Variants in PTPRG observed in about 807,000 individuals in gnomAD.
PTPRG encodes the protein receptor-type tyrosine-protein phosphatase gamma.
Under a neutral mutation model 165.3 loss-of-function variants are expected in PTPRG, and 102 were observed. The observed-to-expected ratio is 0.62, with a 90% CI of 0.53 to 0.73. The LOEUF is 0.73. Ranked by LOEUF, PTPRG falls within the 30% of genes least tolerant of loss-of-function variation. The pLI is 0.00. For missense variants in PTPRG, 1,866 were observed against 1,861.4 expected (o/e 1.00, Z -0.05); for synonymous variants, 675 against 669.5 (o/e 1.01, Z -0.13).
chr3:62,203,830 A>G lies in PTPRG; in HGVS notation c.2035A>G (p.Thr679Ala). ...GGTCACCTCCACCCAAGTGCCCCCCACCGCCACAGAGGAGCAGTATGCAGG... is the reference window on the plus strand; with the variant it reads ...GGTCACCTCCACCCAAGTGCCCCCCGCCGCCACAGAGGAGCAGTATGCAGG... Reference protein sequence around the residue: ...DMVTSTQVPPTATEEQYAGSD... With the variant: ...DMVTSTQVPPAATEEQYAGSD... Residue 679 changes from threonine to alanine, a missense_variant, in exon 12 of 30, where the codon ACC becomes GCC. By Grantham distance (58) the Thr-to-Ala change is moderately conservative. Coordinates refer to ENST00000474889, the MANE Select transcript of PTPRG (RefSeq NM_002841.4). The surrounding 1 kb of genome is among the most constrained non-coding windows in gnomAD (Gnocchi z 6.4). 1 of 1,613,948 alleles carries G rather than the reference A, an allele frequency of 6.2e-7. No homozygotes were observed. Among genetic ancestry groups the G allele is most frequent in the South Asian group, 1.1e-5 (1 of 91,068 alleles).
chr3:61,610,214 A>G (rs77175693), intron 1 of PTPRG, among the ~76,000 whole-genome samples: 4,221 of 151,788 alleles, frequency 0.028, 191 homozygotes, highest in African/African-American at 0.095. Flanking sequence ...TAACAGTTTA[A>G]TGCATTTAAT....
At chr3:62,011,925 A>C (rs908641013) in intron 4 of PTPRG, among the ~76,000 whole-genome samples, 1 of 152,184 alleles carries the variant, frequency 6.6e-6, no homozygotes, top group Non-Finnish European at 1.5e-5. Context: ...ATCATACCAA[A>C]AACTACAGTA....
At chr3:62,101,542 A>G (rs1323721394) in intron 5 of PTPRG, among the ~76,000 whole-genome samples, 2 of 152,158 alleles carry the variant, frequency 1.3e-5, no homozygotes, top group South Asian at 2.1e-4. Flanking sequence ...ACCCTTTACT[A>G]CTACACAAGT....
At chr3:62,115,499 T>C (rs1056327907) in intron 5 of PTPRG, among the ~76,000 whole-genome samples, 2 of 152,198 alleles carry the variant, frequency 1.3e-5, no homozygotes, top group African/African-American at 2.4e-5. Context: ...GTTTGCTCTT[T>C]ACTGATAGCC....
intron 2 of PTPRG, among the ~76,000 whole-genome samples, chr3:61,938,693 T>C (rs1345252550): frequency 6.6e-6 from 1 of 152,234 alleles, no homozygotes; most frequent in Non-Finnish European, 1.5e-5. Flanking sequence ...TGCTCTATAT[T>C]TTATGCAGAG....
rs116409485 is a variant in PTPRG at position 61,934,790 on chromosome 3, G to A, written c.191-54835G>A. Among the ~76,000 whole-genome samples the A allele has an allele frequency of 1.3e-3, 202 of 152,256 alleles. 1 individual carries two copies. Among genetic ancestry groups the A allele is most frequent in the African/African-American group, 4.7e-3 (196 of 41,548 alleles). On this transcript the variant is annotated intron_variant, in intron 2 of 29. Transcript: ENST00000474889. The stretch of plus-strand genomic sequence containing the variant: ...TAAACTTGGGTGGCCAGCAGCCACT[G>A]ACCTGGGGGTTCTATTGCTTATTTT...
intron 1 of PTPRG, among the ~76,000 whole-genome samples, chr3:61,679,608 T>C (rs1703358248): frequency 6.6e-6 from 1 of 152,018 alleles, no homozygotes. Flanking sequence ...AGTGGAACCC[T>C]GTCTCTACTA....
chr3:61,803,469 ACAACATGGTTCATGTTGTCCATGTTGTC>A (rs542302542), intron 2 of PTPRG, among the ~76,000 whole-genome samples: 11,941 of 131,044 alleles, frequency 0.091, 634 homozygotes, highest in South Asian at 0.2. Flanking sequence ...ATTGTTTTGG[ACAACATGGTTCATGTTGTCCATGTTGTC>A]CAACATGGAC....
intron 1 of PTPRG, among the ~76,000 whole-genome samples, chr3:61,580,633 C>A (rs1700271372): frequency 6.6e-6 from 1 of 152,052 alleles, no homozygotes; most frequent in South Asian, 2.1e-4. Context: ...ATGCGCCCGG[C>A]CATCTGATTT....
chr3:62,027,945 C>T (rs1322549407), intron 4 of PTPRG, among the ~76,000 whole-genome samples: 2 of 152,096 alleles, frequency 1.3e-5, no homozygotes, highest in African/African-American at 2.4e-5. Flanking sequence ...CCAACTGCTC[C>T]GGGCAAGTGT....
chr3:62,134,332 C>T (rs1255581039), intron 6 of PTPRG, among the ~76,000 whole-genome samples: 2 of 152,314 alleles, frequency 1.3e-5, no homozygotes, highest in East Asian at 1.9e-4. Flanking sequence ...TTCATGCCCA[C>T]GCTGTGCAAA....
intron 17 of PTPRG, among the ~76,000 whole-genome samples, chr3:62,265,896 T>TATATACACACAC (rs1553662684): frequency 4.0e-4 from 52 of 130,612 alleles, no homozygotes; most frequent in Non-Finnish European, 5.5e-4. Flanking sequence ...GTGCCTTATA[T>TATATACACACAC]ACACACACAC....
At chr3:61,678,700 A>T (rs1354020346) in intron 1 of PTPRG, among the ~76,000 whole-genome samples, 2 of 151,876 alleles carry the variant, frequency 1.3e-5, no homozygotes, top group Non-Finnish European at 2.9e-5. Context: ...ACAGCACCCA[A>T]CCTACTTCCC....
At chr3:61,855,651 CTTTTTTT>C (rs35525843) in intron 2 of PTPRG, among the ~76,000 whole-genome samples, 1 of 120,322 alleles carries the variant, frequency 8.3e-6, no homozygotes, top group African/African-American at 3.2e-5. Context: ...AAGGGTAGGC[CTTTTTTT>C]TTTTTTTTTT....
At chr3:61,810,943 C>T (rs1419267022) in intron 2 of PTPRG, among the ~76,000 whole-genome samples, 1 of 152,144 alleles carries the variant, frequency 6.6e-6, no homozygotes, top group African/African-American at 2.4e-5. Flanking sequence ...GAGGGTTCCC[C>T]CTTGCCTACC....
At chr3:62,024,381 G>A (rs747163732) in intron 4 of PTPRG, among the ~76,000 whole-genome samples, 13 of 146,344 alleles carry the variant, frequency 8.9e-5, no homozygotes, top group Non-Finnish European at 1.5e-4. Context: ...ATAATGAAAG[G>A]TCACTATTTT....
At chr3:61,930,177 T>C (rs1164525464) in intron 2 of PTPRG, among the ~76,000 whole-genome samples, 3 of 152,206 alleles carry the variant, frequency 2.0e-5, no homozygotes, top group Admixed American at 6.5e-5. Context: ...AATACAGCTG[T>C]ACATATAAAA....
At chr3:62,268,634 TAGAAG>T (rs1454186690) in intron 19 of PTPRG, among the ~76,000 whole-genome samples, 2 of 152,162 alleles carry the variant, frequency 1.3e-5, no homozygotes, top group East Asian at 1.9e-4. Context: ...GTCTCACAGT[TAGAAG>T]AGAACCTTCC....
intron 2 of PTPRG, among the ~76,000 whole-genome samples, chr3:61,855,691 A>G (rs1240210941): frequency 7.2e-6 from 1 of 138,704 alleles, no homozygotes; most frequent in African/African-American, 2.8e-5. Flanking sequence ...GCACTGATTT[A>G]ATTATAGTAA....
Sources: gnomAD v4.1 joint callset for allele counts (sites outside exome capture counted in the v4.1 genomes callset) on GRCh38, gnomAD v4.1.1 for gene constraint, Gnocchi (gnomAD v3.1) non-coding constraint, MANE v1.5 for transcripts, NCBI Gene and HGNC (gene_info 2026-07-23, HGNC 2026-07-21) for gene names.